SS18: variants seen among roughly 807,000 people sequenced by gnomAD.
SS18 encodes protein SSXT.
Under a neutral mutation model 72.5 loss-of-function variants are expected in SS18, and 28 were observed. The observed-to-expected ratio is 0.39, with a 90% confidence interval of 0.29 to 0.53. The LOEUF is 0.53. Ranked by LOEUF, SS18 falls within the 20% of genes least tolerant of loss-of-function variation. The probability of loss-of-function intolerance (pLI) is 0.76; values close to 1 mark genes in which losing one functional copy is unlikely to be tolerated. For missense variants in SS18, 518 were observed against 535.3 expected (o/e 0.97, Z 0.32); for synonymous variants, 172 against 164.2 (o/e 1.05, Z -0.37).
chr18:26,088,894 C>A (rs2054664565), intron 1 of SS18, among the ~76,000 whole-genome samples: 1 of 150,964 alleles, frequency 6.6e-6, no homozygotes, highest in Non-Finnish European at 1.5e-5. Flanking sequence ...AAAAAAAAAA[C>A]CACTAACATG....
At chr18:26,079,141 G>C (rs1342794155) in intron 2 of SS18, 1 of 152,182 alleles carries the variant, frequency 6.6e-6, no homozygotes, top group Non-Finnish European at 1.5e-5. Context: ...GAAAAAAAGA[G>C]ATATGCTAAA....
rs565632308 is a variant in SS18, at chr18:26,020,978, T to C, written c.1231-2598A>G. 1.2e-4 allele frequency among the ~76,000 whole-genome samples: 18 copies of C among 152,304 alleles called. No homozygotes were observed. In the South Asian group the frequency reaches 3.3e-3, roughly 28 times the overall value. The stretch of plus-strand genomic sequence containing the variant: ...TAATACCTCAGTTTGTGTCACATAT[T>C]GTATTAAATGCTTTGTGTCCATCTA... On this transcript the variant is annotated intron_variant, in intron 10 of 10. Transcript: ENST00000415083.
chr18:26,054,656 T>A (rs1485288095), intron 4 of SS18, among the ~76,000 whole-genome samples: 1 of 151,902 alleles, frequency 6.6e-6, no homozygotes, highest in African/African-American at 2.4e-5. Flanking sequence ...TAGTATTTAA[T>A]GAGTGCTATC....
intron 7 of SS18, among the ~76,000 whole-genome samples, chr18:26,037,085 A>C (rs989412792): frequency 4.6e-5 from 7 of 152,260 alleles, no homozygotes; most frequent in Non-Finnish European, 8.8e-5. Context: ...TGTTGTTTAC[A>C]AATATTAATT....
chr18:26,062,505 T>C (rs895170469), intron 3 of SS18, among the ~76,000 whole-genome samples: 4 of 151,774 alleles, frequency 2.6e-5, no homozygotes, highest in African/African-American at 9.7e-5. Context: ...AAGGAACAAA[T>C]AGAAAAAAAA....
intron 5 of SS18, among the ~76,000 whole-genome samples, chr18:26,051,929 T>C (rs1029919915): frequency 6.6e-6 from 1 of 152,140 alleles, no homozygotes; most frequent in African/African-American, 2.4e-5. Flanking sequence ...ATCTAGAAAA[T>C]TTTATTCCAA....
chr18:26,036,013 AAAAAAG>A, intron 7 of SS18, 90 bp from the exon 8 acceptor site: 2 of 820,700 alleles, frequency 2.4e-6, no homozygotes, highest in Non-Finnish European at 3.9e-6. Context: ...TAAAATTGAA[AAAAAAG>A]AAAAAGAAAT....
intron 3 of SS18, among the ~76,000 whole-genome samples, chr18:26,069,822 C>A (rs1237899488): frequency 1.3e-5 from 2 of 152,156 alleles, no homozygotes; most frequent in Non-Finnish European, 2.9e-5. Context: ...TCTCATAATT[C>A]TTTTCTAAAC....
chr18:26,027,571 C>CT (rs1417644077), intron 10 of SS18, among the ~76,000 whole-genome samples: 1 of 145,310 alleles, frequency 6.9e-6, no homozygotes, highest in Non-Finnish European at 1.5e-5. Context: ...ACTCATGAGG[C>CT]TAAGGCAGGA....
chr18:26,057,814 G>T, intron 3 of SS18, 72 bp from the exon 4 acceptor site: 2 of 1,383,766 alleles, frequency 1.4e-6, no homozygotes, highest in South Asian at 1.8e-5. Flanking sequence ...TAAAAGAGTT[G>T]CTTATGTTAC....
chr18:26,045,406 A>G (rs28506094), intron 5 of SS18, among the ~76,000 whole-genome samples: 9,529 of 152,060 alleles, frequency 0.063, 826 homozygotes, highest in African/African-American at 0.2. Context: ...TCCTTGCTAT[A>G]CTTCAAACAC....
chr18:26,069,544 T>A (rs923680514), intron 3 of SS18, among the ~76,000 whole-genome samples: 2 of 150,730 alleles, frequency 1.3e-5, no homozygotes, highest in African/African-American at 4.9e-5. Flanking sequence ...AAAGAAATAC[T>A]GTGACAGGGC....
chr18:26,090,668 T>G (rs112442364), upstream of SS18: 4,159 of 1,265,524 alleles, frequency 3.3e-3, 100 homozygotes, highest in African/African-American at 0.055. Context: ...ACCTCGGGAA[T>G]GCGGGGAGGG....
chr18:26,052,732 C>A lies in SS18; in HGVS notation c.499G>T (p.Val167Leu). ...HGSMGGYNHSVPSSQSMPVQN... is the reference protein window; with the variant it reads ...HGSMGGYNHSLPSSQSMPVQN... ...ACTGGCATGCTCTGTGATGATGGCA[C>A]AGAATGGTTGTAACCTCCCATGGAT... is the stretch of plus-strand genomic sequence containing the variant. Residue 167 changes from valine (V) to leucine (L), a missense_variant, in exon 5 of 11, where the codon GTG becomes TTG. Physicochemically the swap from Val to Leu is conservative, Grantham distance 32. Coordinates refer to ENST00000415083, the MANE Select transcript of SS18 (RefSeq NM_001007559.3). 1 of 1,614,118 alleles carries A rather than the reference C, an allele frequency of 6.2e-7. No individual in the cohort carries two copies. The highest frequency in any genetic ancestry group is 1.3e-5 in the African/African-American group (1 of 75,042).
intron 3 of SS18, among the ~76,000 whole-genome samples, chr18:26,077,468 A>G (rs2054437319): frequency 6.6e-6 from 1 of 152,126 alleles, no homozygotes; most frequent in African/African-American, 2.4e-5. Context: ...ATGAAGATTT[A>G]AAAAGATAAA....
At chr18:26,046,223 AAAAAG>A in intron 5 of SS18, among the ~76,000 whole-genome samples, 1 of 149,052 alleles carries the variant, frequency 6.7e-6, no homozygotes, top group African/African-American at 2.6e-5. Context: ...AAGTAGAAAA[AAAAAG>A]GAAAAAAAAA....
chr18:26,043,151 A>G (rs1384609386), intron 5 of SS18, among the ~76,000 whole-genome samples: 1 of 152,114 alleles, frequency 6.6e-6, no homozygotes, highest in East Asian at 1.9e-4. Context: ...AGGCTCACAA[A>G]CATCAAGGAC....
intron 3 of SS18, among the ~76,000 whole-genome samples, chr18:26,065,766 T>G (rs1441496609): frequency 3.8e-5 from 4 of 104,796 alleles, no homozygotes; most frequent in Admixed American, 2.1e-4. Flanking sequence ...AACAAAAGAC[T>G]TGTTCCAGAA....
At chr18:26,072,184 T>C (rs1339851750) in intron 3 of SS18, among the ~76,000 whole-genome samples, 1 of 152,138 alleles carries the variant, frequency 6.6e-6, no homozygotes, top group Non-Finnish European at 1.5e-5. Context: ...TTTATGGTCC[T>C]TTGATTGGGA....
Sources: allele counts gnomAD v4.1 joint callset (sites outside exome capture counted in the v4.1 genomes callset), GRCh38; gene constraint gnomAD v4.1.1; transcripts MANE v1.5; gene names NCBI Gene and HGNC (gene_info 2026-07-23, HGNC 2026-07-21).